INTS6: variants seen among roughly 807,000 people sequenced by gnomAD.
The protein encoded by INTS6 is integrator complex subunit 6, also known as DEAD box protein.
In INTS6, 16 loss-of-function variants were observed where a neutral mutation model predicts 104.9. The observed-to-expected ratio is 0.15, with a 90% confidence interval of 0.10 to 0.23. INTS6 has a LOEUF of 0.23. Among genes scored for constraint, INTS6 ranks in the 10% least tolerant of loss-of-function variants. The pLI, the probability that INTS6 is intolerant of heterozygous loss-of-function variation, is 1.00. For missense variants in INTS6, 584 were observed against 1,062.8 expected (o/e 0.55, Z 6.26); for synonymous variants, 324 against 358.7 (o/e 0.90, Z 1.09).
chr13:51,368,212 A>C (rs1955731105), intron 16 of INTS6, among the ~76,000 whole-genome samples: 1 of 152,180 alleles, frequency 6.6e-6, no homozygotes, highest in African/African-American at 2.4e-5. Context: ...AGTGGCCTTT[A>C]CAAAACTCCA....
the INTS6 span, among the ~76,000 whole-genome samples, chr13:51,347,595 C>T: frequency 6.6e-6 from 1 of 152,166 alleles, no homozygotes; most frequent in East Asian, 1.9e-4. Context: ...TACCCTGTAC[C>T]CTTATCCATG....
At chr13:51,425,944 A>G (rs1358767428) in intron 4 of INTS6, among the ~76,000 whole-genome samples, 1 of 152,018 alleles carries the variant, frequency 6.6e-6, no homozygotes, top group East Asian at 1.9e-4. Flanking sequence ...AAAATGCTAC[A>G]ACCAGTTTTA....
At chr13:51,334,973 A>T in the INTS6 span, among the ~76,000 whole-genome samples, 4 of 137,136 alleles carry the variant, frequency 2.9e-5, no homozygotes, top group Non-Finnish European at 4.6e-5. Context: ...ACAGAGCAAG[A>T]CTCCGTCTCA....
intron 3 of INTS6, chr13:51,450,234 C>T (rs772778035): frequency 5.2e-5 from 51 of 984,526 alleles, no homozygotes; most frequent in Non-Finnish European, 6.0e-5. Flanking sequence ...ATACATTGTT[C>T]AGTATCTTTT....
intron 12 of INTS6, among the ~76,000 whole-genome samples, chr13:51,376,582 A>G (rs995342813): frequency 6.6e-6 from 1 of 152,172 alleles, no homozygotes; most frequent in Non-Finnish European, 1.5e-5. Flanking sequence ...TTGTGAAACC[A>G]TCATCATAAT....
chr13:51,393,000 C>T (rs1956270916), intron 5 of INTS6, among the ~76,000 whole-genome samples: 1 of 151,700 alleles, frequency 6.6e-6, no homozygotes, highest in Non-Finnish European at 1.5e-5. Flanking sequence ...TTTTTTCCAA[C>T]ATTTCCTTAG....
chr13:51,381,559 C>A (rs746296131), intron 10 of INTS6, among the ~76,000 whole-genome samples: 1 of 152,168 alleles, frequency 6.6e-6, no homozygotes, highest in Non-Finnish European at 1.5e-5. Context: ...CTCTGCAAAT[C>A]ACTGAAACCT....
intron 3 of INTS6, chr13:51,450,822 C>T (rs769195765): frequency 3.8e-5 from 45 of 1,194,608 alleles, no homozygotes; most frequent in Non-Finnish European, 3.8e-5. Context: ...ATCCTGAATA[C>T]CAATGCATTT....
At chr13:51,413,530 G>A (rs1289235718) in intron 4 of INTS6, among the ~76,000 whole-genome samples, 4 of 152,018 alleles carry the variant, frequency 2.6e-5, no homozygotes, top group Admixed American at 1.3e-4. Context: ...CTCAAAATGA[G>A]CAAAAAAATT....
At chr13:51,450,670 T>C in intron 3 of INTS6, 2 of 994,840 alleles carry the variant, frequency 2.0e-6, no homozygotes, top group South Asian at 9.3e-5. Flanking sequence ...GAACACGAAC[T>C]AGTGTCTCTA....
intron 7 of INTS6, chr13:51,383,997 T>C (rs775429229): frequency 1.9e-5 from 5 of 266,660 alleles, no homozygotes; most frequent in Non-Finnish European, 2.8e-5. Context: ...AATTTAGTAA[T>C]TGAGTATTCA....
chr13:51,381,174 C>T (rs1053601716), intron 10 of INTS6, among the ~76,000 whole-genome samples: 5 of 152,106 alleles, frequency 3.3e-5, no homozygotes, highest in Non-Finnish European at 7.4e-5. Context: ...AAATACTATG[C>T]CATTTTATAT....
intron 4 of INTS6, among the ~76,000 whole-genome samples, chr13:51,425,696 C>T (rs751109165): frequency 6.6e-6 from 1 of 152,002 alleles, no homozygotes; most frequent in Non-Finnish European, 1.5e-5. Context: ...TTTTCCATTG[C>T]AAAGCAGTAC....
At chr13:51,376,221 TA>T (rs1955927549) in intron 12 of INTS6, 47 bp from the exon 13 acceptor site, 1 of 1,497,790 alleles carries the variant, frequency 6.7e-7, no homozygotes, top group African/African-American at 1.4e-5. Flanking sequence ...AACATAGAAT[TA>T]CAAGAGACTA....
chr13:51,449,941 A>G, intron 3 of INTS6: 1 of 985,282 alleles, frequency 1.0e-6, no homozygotes. Context: ...ATGTTATAGA[A>G]CTAAATTCAG....
chr13:51,446,722 A>C (rs1305207396), intron 3 of INTS6: 6 of 152,220 alleles, frequency 3.9e-5, no homozygotes, highest in Non-Finnish European at 2.9e-5. Context: ...ATTCAGCCTT[A>C]AAAAGGATGA....
the INTS6 span, among the ~76,000 whole-genome samples, chr13:51,348,832 T>C: frequency 1.3e-5 from 2 of 152,278 alleles, no homozygotes; most frequent in Non-Finnish European, 2.9e-5. Context: ...AGAGATAAGA[T>C]GACTTACGTA....
intron 4 of INTS6, among the ~76,000 whole-genome samples, chr13:51,400,717 TGTTTA>T (rs1352140854): frequency 6.6e-6 from 1 of 152,196 alleles, no homozygotes; most frequent in African/African-American, 2.4e-5. Context: ...AAGTAAACAA[TGTTTA>T]GAATAGTTTT....
intron 4 of INTS6, among the ~76,000 whole-genome samples, chr13:51,407,684 T>TA (rs768270891): frequency 1.3e-5 from 2 of 152,072 alleles, no homozygotes; most frequent in African/African-American, 2.4e-5. Flanking sequence ...AGTATGATTT[T>TA]AAAAAAAGAC....
Sources: allele counts gnomAD v4.1 joint callset (sites outside exome capture counted in the v4.1 genomes callset), GRCh38; gene constraint gnomAD v4.1.1; transcripts MANE v1.5; gene names NCBI Gene and HGNC (gene_info 2026-07-23, HGNC 2026-07-21).